The following GULP1 variants were observed in gnomAD, a reference collection of about 807,000 sequenced individuals.
The protein encoded by GULP1 is GULP PTB domain containing engulfment adaptor 1.
GULP1 carries 19 observed loss-of-function variants against 40.9 expected under a neutral mutation model. The observed-to-expected ratio is 0.46, with a 90% CI of 0.32 to 0.68. The LOEUF (loss-of-function observed/expected upper bound fraction) is 0.68. GULP1 is among the 30% of genes least tolerant of loss of function. The pLI is 0.03. For missense variants in GULP1, 312 were observed against 362.2 expected (o/e 0.86, Z 1.12); for synonymous variants, 119 against 117.6 (o/e 1.01, Z -0.08).
At chr2:188,561,736 T>C (rs538974544) in intron 7 of GULP1, among the ~76,000 whole-genome samples, 110 of 152,210 alleles carry the variant, frequency 7.2e-4, no homozygotes, top group African/African-American at 2.6e-3. Context: ...ATTGCAGAGG[T>C]TGGCGTTGGC....
At chr2:188,522,036 A>C (rs1427988760) in intron 4 of GULP1, among the ~76,000 whole-genome samples, 1 of 152,198 alleles carries the variant, frequency 6.6e-6, no homozygotes, top group African/African-American at 2.4e-5. Context: ...AGATAGCGCC[A>C]CTGCACTCTG....
At chr2:188,309,650 G>A (rs1238283768) in intron 1 of GULP1, among the ~76,000 whole-genome samples, 1 of 152,102 alleles carries the variant, frequency 6.6e-6, no homozygotes, top group African/African-American at 2.4e-5. Context: ...GTATCCCATA[G>A]CTTGTCTGTA....
chr2:188,557,023 CA>C lies in GULP1; in HGVS notation c.400-12203del, dbSNP rs1193397388. ...TGGGTGACAGAGCAAGACTCTGTCT[CA>C]AAAAAAAAAAAAGAAAAGAAATCTA... is the stretch of plus-strand genomic sequence containing the variant. On this transcript the variant is annotated intron_variant, in intron 7 of 11. Transcript: ENST00000409830. 7.2e-3 allele frequency among the ~76,000 whole-genome samples: 903 copies of C among 126,208 alleles called. 8 individuals are homozygous for C. The highest frequency in any genetic ancestry group is 0.02 in the African/African-American group (686 of 34,266). 82.8% of individuals were successfully genotyped at this position (126,208 alleles called of 152,430 possible). A position where few individuals can be genotyped will look rare whatever the true frequency, so the allele number is the denominator to read the frequency against.
chr2:188,562,508 T>A (rs959782169), intron 7 of GULP1, among the ~76,000 whole-genome samples: 1 of 152,198 alleles, frequency 6.6e-6, no homozygotes, highest in Admixed American at 6.5e-5. Context: ...AAGATGTATT[T>A]ATGAAATGAC....
chr2:188,423,329 A>C (rs1017628323), intron 2 of GULP1, among the ~76,000 whole-genome samples: 1 of 152,068 alleles, frequency 6.6e-6, no homozygotes, highest in Admixed American at 6.6e-5. Context: ...ACTTTATGGT[A>C]CTAATGGAAA....
At chr2:188,411,344 T>A (rs1175127975) in intron 2 of GULP1, among the ~76,000 whole-genome samples, 5 of 152,162 alleles carry the variant, frequency 3.3e-5, no homozygotes, top group Non-Finnish European at 7.4e-5. Flanking sequence ...GGCTTAGTGT[T>A]GGTCTCTGCT....
intron 6 of GULP1, among the ~76,000 whole-genome samples, chr2:188,537,078 C>G (rs751616779): frequency 3.3e-5 from 5 of 151,724 alleles, no homozygotes; most frequent in Non-Finnish European, 5.9e-5. Flanking sequence ...GTTGCAGGAG[C>G]CTCTTGGTGG....
chr2:188,352,494 T>G (rs1474355234), intron 1 of GULP1, among the ~76,000 whole-genome samples: 1 of 152,076 alleles, frequency 6.6e-6, no homozygotes, highest in African/African-American at 2.4e-5. Flanking sequence ...TGACTGTAGA[T>G]CTTGGCATTT....
At chr2:188,581,478 A>C (rs973541472) in intron 9 of GULP1, among the ~76,000 whole-genome samples, 12 of 152,130 alleles carry the variant, frequency 7.9e-5, no homozygotes, top group South Asian at 2.1e-4. Context: ...TATTACTTCC[A>C]TTTTGGCTGC....
intron 3 of GULP1, among the ~76,000 whole-genome samples, chr2:188,481,497 A>G (rs1269891632): frequency 1.3e-5 from 2 of 151,994 alleles, no homozygotes; most frequent in East Asian, 1.9e-4. Flanking sequence ...TTGTCATTGT[A>G]GGAGCTACAG....
chr2:188,594,137 T>A lies in GULP1; in HGVS notation c.*126T>A, dbSNP rs1704115898. Reference sequence around the variant, plus strand: ...TTTGAATATTTTAATATTTTGAAAATTTTCTCAGTTAAATTTCCTCACCTT... The same window carrying A: ...TTTGAATATTTTAATATTTTGAAAAATTTCTCAGTTAAATTTCCTCACCTT... On this transcript the variant is annotated 3_prime_UTR_variant, in exon 12 of 12. Transcript: ENST00000409830. 3.7e-6 allele frequency: 2 copies of A among 542,280 alleles called. No homozygotes were observed. Among genetic ancestry groups the A allele is most frequent in the Non-Finnish European group, 6.5e-6 (2 of 307,080 alleles). 33.6% of individuals were successfully genotyped at this position (542,280 alleles called of 1,614,324 possible).
intron 4 of GULP1, chr2:188,491,605 G>C (rs2062397245): frequency 6.6e-6 from 1 of 152,068 alleles, no homozygotes; most frequent in African/African-American, 2.4e-5. Flanking sequence ...GTAGGTGAAA[G>C]CAATTTGCCT....
At chr2:188,389,098 G>A (rs535020224) in intron 2 of GULP1, among the ~76,000 whole-genome samples, 1 of 152,306 alleles carries the variant, frequency 6.6e-6, no homozygotes, top group South Asian at 2.1e-4. Flanking sequence ...CTTTTGTTTA[G>A]GCAAGAGGGG....
intron 2 of GULP1, among the ~76,000 whole-genome samples, chr2:188,387,846 AC>A (rs1207061820): frequency 1.3e-5 from 2 of 152,020 alleles, no homozygotes; most frequent in East Asian, 1.9e-4. Context: ...AGCCAGATGA[AC>A]CATGCTATCC....
At position 188,499,133 on chromosome 2, in the gene GULP1, GTGTATATATATATATATATATA is replaced by G. The variant is rs1205366573; in HGVS notation, c.90+15643_90+15664del. Among the ~76,000 whole-genome samples, 11 of 120,716 alleles carry G rather than the reference GTGTATATATATATATATATATA, an allele frequency of 9.1e-5. 1 individual carries two copies. The highest frequency in any genetic ancestry group is 2.2e-4 in the African/African-American group (7 of 31,578). 79.2% of individuals were successfully genotyped at this position (120,716 alleles called of 152,430 possible). ...CATATACAAATGCACATATATGTGT[GTGTATATATATATATATATATA>G]TATATATATATATATGAACTCTGCA... is the stretch of plus-strand genomic sequence containing the variant. On this transcript the variant is annotated intron_variant, in intron 4 of 11. Transcript: ENST00000409830.
intron 9 of GULP1, among the ~76,000 whole-genome samples, chr2:188,570,624 G>A (rs1014059343): frequency 2.0e-5 from 3 of 152,218 alleles, no homozygotes; most frequent in Non-Finnish European, 2.9e-5. Context: ...CAAAACTCAA[G>A]TCTTTGTAGT....
At chr2:188,455,765 G>A (rs556779547) in intron 2 of GULP1, among the ~76,000 whole-genome samples, 44 of 152,302 alleles carry the variant, frequency 2.9e-4, no homozygotes, top group Middle Eastern at 3.4e-3. Flanking sequence ...GCAGAGGTTG[G>A]AACAGTTTGG....
chr2:188,373,253 T>C (rs1011719214), intron 1 of GULP1, among the ~76,000 whole-genome samples: 3 of 151,928 alleles, frequency 2.0e-5, no homozygotes, highest in Admixed American at 2.0e-4. Context: ...TATAATACAG[T>C]TGAACTAATT....
rs528545920 is a variant in GULP1 at position 188,346,516 on chromosome 2, G to A, written c.-171-37247G>A. Among the ~76,000 whole-genome samples the A allele has an allele frequency of 2.6e-4, 39 of 150,702 alleles. 2 individuals are homozygous for A. In the South Asian group the frequency reaches 7.4e-3, roughly 29 times the overall value. The stretch of plus-strand genomic sequence containing the variant: ...CTTTTCTTCTTTTTCTTTTTGAGAC[G>A]GAGTCTTGCTCTGTTGCCCAGGCTG... On this transcript the variant is annotated intron_variant, in intron 1 of 11. Transcript: ENST00000409830.
Sources: allele counts gnomAD v4.1 joint callset (sites outside exome capture counted in the v4.1 genomes callset), GRCh38; gene constraint gnomAD v4.1.1; transcripts MANE v1.5; gene names NCBI Gene and HGNC (gene_info 2026-07-23, HGNC 2026-07-21).